The following KIFAP3 variants were observed in gnomAD, a reference collection of about 807,000 sequenced individuals.
The protein encoded by KIFAP3 is kinesin-associated protein 3.
A neutral mutation model predicts 106.5 loss-of-function variants in KIFAP3; 68 were observed. The observed-to-expected ratio is 0.64, with a 90% CI of 0.53 to 0.78. The LOEUF (loss-of-function observed/expected upper bound fraction) is 0.78, where lower values mean the gene tolerates loss of function less well. Among genes scored for constraint, KIFAP3 ranks in the 30% least tolerant of loss-of-function variants. KIFAP3 has a pLI of 0.00. For missense variants in KIFAP3, 780 were observed against 941.8 expected (o/e 0.83, Z 2.25); for synonymous variants, 320 against 311.5 (o/e 1.03, Z -0.29).
intron 19 of KIFAP3, among the ~76,000 whole-genome samples, chr1:169,940,161 C>A (rs1255191138): frequency 6.6e-6 from 1 of 152,076 alleles, no homozygotes; most frequent in African/African-American, 2.4e-5. Flanking sequence ...GAAAGGTGGG[C>A]AAAGGTAAGA....
intron 1 of KIFAP3, among the ~76,000 whole-genome samples, chr1:170,083,349 T>C (rs1672049447): frequency 6.6e-6 from 1 of 152,202 alleles, no homozygotes; most frequent in Non-Finnish European, 1.5e-5. Context: ...CCCAAACGGG[T>C]TATAAATTGT....
chr1:169,987,903 G>A (rs1038762794), intron 11 of KIFAP3, among the ~76,000 whole-genome samples: 1 of 152,002 alleles, frequency 6.6e-6, no homozygotes, highest in Non-Finnish European at 1.5e-5. Context: ...CTGTTAATGT[G>A]TACTTTTAAC....
At chr1:170,074,806 T>C (rs1671864411), upstream of KIFAP3, 3 of 1,174,978 alleles carry the variant, frequency 2.6e-6, no homozygotes, top group Admixed American at 1.1e-4. Context: ...GCAGGGAAGT[T>C]TTGGTGCAGT....
intron 2 of KIFAP3, 55 bp from the exon 3 acceptor site, chr1:170,046,921 T>C (rs1378661509): frequency 2.0e-6 from 2 of 1,006,576 alleles, no homozygotes; most frequent in Non-Finnish European, 1.4e-6. Flanking sequence ...ATAACTTCAA[T>C]ACTACTACTT....
At chr1:169,956,672 C>T (rs79323936) in intron 18 of KIFAP3, among the ~76,000 whole-genome samples, 3 of 143,982 alleles carry the variant, frequency 2.1e-5, no homozygotes, top group Non-Finnish European at 4.5e-5. Context: ...TGGAGTGCAG[C>T]GGTACAATCA....
At chr1:169,972,050 T>G (rs1384645008) in intron 17 of KIFAP3, among the ~76,000 whole-genome samples, 1 of 151,914 alleles carries the variant, frequency 6.6e-6, no homozygotes, top group Admixed American at 6.6e-5. Context: ...TGAATAACAG[T>G]AAGATTTTTG....
intron 10 of KIFAP3, among the ~76,000 whole-genome samples, chr1:170,004,989 A>G (rs1667870508): frequency 6.6e-6 from 1 of 152,204 alleles, no homozygotes; most frequent in Non-Finnish European, 1.5e-5. Flanking sequence ...AGAATCTACA[A>G]TGAACCCAAA....
intron 19 of KIFAP3, among the ~76,000 whole-genome samples, chr1:169,930,583 T>G (rs370206690): frequency 2.0e-5 from 3 of 152,352 alleles, no homozygotes; most frequent in Admixed American, 6.5e-5. Context: ...CTAGGGTCTT[T>G]GAGCACAGAC....
At chr1:170,061,623 G>A (rs935481576) in intron 1 of KIFAP3, among the ~76,000 whole-genome samples, 1 of 152,112 alleles carries the variant, frequency 6.6e-6, no homozygotes, top group African/African-American at 2.4e-5. Context: ...CAAGGATCTA[G>A]AACTAGAAAT....
In KIFAP3 at chr1:169,978,305, A is replaced by AT. The variant is rs1202254104; in HGVS notation, c.1799-123dup. On this transcript the variant is annotated intron_variant, in intron 15 of 19. Coordinates refer to ENST00000361580, the MANE Select transcript of KIFAP3 (RefSeq NM_014970.4). ...GTGATAAGGAGACAAGCAAGCAGAA[A>AT]TGGATTTAACTTCTATGTTCCTAAT... The AT allele has an allele frequency of 4.9e-6, 3 of 616,184 alleles. No individual in the cohort carries two copies. The African/African-American group carries it at 5.6e-5, about 11-fold the overall frequency. The allele number at this position is 616,184 out of a possible 1,614,324, so 38.2% of individuals were successfully genotyped here. A position where few individuals can be genotyped will look rare whatever the true frequency, so the allele number is the denominator to read the frequency against.
chr1:169,921,824 C>T (rs762805791), intron 19 of KIFAP3, 43 bp from the exon 20 acceptor site: 1 of 1,403,494 alleles, frequency 7.1e-7, no homozygotes, highest in South Asian at 1.2e-5. Flanking sequence ...TTTTTCATCA[C>T]ACATCCACAA....
intron 3 of KIFAP3, among the ~76,000 whole-genome samples, chr1:170,039,682 T>C (rs1021849495): frequency 2.0e-5 from 3 of 151,658 alleles, no homozygotes; most frequent in African/African-American, 7.3e-5. Context: ...TTGAGTAATA[T>C]AAAAACTAAA....
chr1:169,930,559 C>T (rs563092543), intron 19 of KIFAP3, among the ~76,000 whole-genome samples: 120 of 152,324 alleles, frequency 7.9e-4, no homozygotes, highest in Non-Finnish European at 1.6e-3. Context: ...ACATGGGTGA[C>T]TATCTTCCCC....
rs761922286 is a variant in KIFAP3 at position 170,034,474 on chromosome 1, T to C, written c.640A>G (p.Ile214Val). ...FSSFSQFHGL[I>V]THYKIGALCM... The stretch of plus-strand genomic sequence containing the variant: ...AGAGCTCCAATTTTATAGTGAGTAA[T>C]AAGTCCATGAAATTGAGAAAAGCTT... Residue 214 changes from isoleucine to valine, a missense_variant, in exon 7 of 20, where the codon ATT becomes GTT. Physicochemically the swap from Ile to Val is conservative, Grantham distance 29. Around this residue, in one of 3 missense-constraint regions of KIFAP3, gnomAD observed 588 missense variants for 678.9 expected, o/e 0.87. Coordinates refer to ENST00000361580, the MANE Select transcript of KIFAP3 (RefSeq NM_014970.4). 6.0e-6 allele frequency: 9 copies of C among 1,492,046 alleles called. No homozygotes were observed. The highest frequency in any genetic ancestry group is 8.3e-6 in the Non-Finnish European group (9 of 1,084,268). The allele number at this position is 1,492,046 out of a possible 1,614,324, so 92.4% of individuals were successfully genotyped here.
At chr1:169,958,155 C>T (rs983965483) in intron 18 of KIFAP3, 2 of 152,308 alleles carry the variant, frequency 1.3e-5, no homozygotes, top group African/African-American at 4.8e-5. Context: ...TGGCATAGCT[C>T]ACTATAATCC....
intron 19 of KIFAP3, among the ~76,000 whole-genome samples, chr1:169,949,563 T>G (rs1664624737): frequency 6.6e-6 from 1 of 152,094 alleles, no homozygotes; most frequent in African/African-American, 2.4e-5. Context: ...ATGCGGTTCT[T>G]GTTAGTCTTG....
intron 10 of KIFAP3, among the ~76,000 whole-genome samples, chr1:169,993,679 CCACTG>C (rs1428293871): frequency 0.042 from 2 of 48 alleles, no homozygotes. Flanking sequence ...CCAGATTGTG[CCACTG>C]AACGCCAGCC....
intron 3 of KIFAP3, among the ~76,000 whole-genome samples, chr1:170,042,596 T>C (rs1670037262): frequency 6.6e-6 from 1 of 152,236 alleles, no homozygotes; most frequent in Non-Finnish European, 1.5e-5. Flanking sequence ...TTCTGTGTTC[T>C]TCATAAAGGG....
intron 2 of KIFAP3, among the ~76,000 whole-genome samples, chr1:170,049,174 G>C (rs1286686473): frequency 6.6e-6 from 1 of 152,182 alleles, no homozygotes; most frequent in Non-Finnish European, 1.5e-5. Context: ...GCTGTAGTAG[G>C]TAGTTTTCCC....
Sources: gnomAD v4.1 joint callset for allele counts (sites outside exome capture counted in the v4.1 genomes callset) on GRCh38, gnomAD v4.1.1 for gene constraint, gnomAD v4.1.1 regional missense constraint, MANE v1.5 for transcripts, NCBI Gene and HGNC (gene_info 2026-07-23, HGNC 2026-07-21) for gene names.